Variants in NEB observed in about 807,000 individuals in gnomAD.
NEB encodes the protein nemaline myopathy type 2.
Under a neutral mutation model 952.2 loss-of-function variants are expected in NEB, and 512 were observed. That is an observed-to-expected ratio of 0.54 (90% CI 0.50 to 0.58). The LOEUF is 0.58. Ranked by LOEUF, NEB falls within the 20% of genes least tolerant of loss-of-function variation. The pLI is 0.00. For missense variants in NEB, 8,428 were observed against 9,231.1 expected (o/e 0.91, Z 3.56); for synonymous variants, 2,900 against 3,149.8 (o/e 0.92, Z 2.66).
At chr2:151,614,215 T>A in intron 77 of NEB, 61 bp downstream of exon 77, 2 of 1,566,714 alleles carry the variant, frequency 1.3e-6, no homozygotes, top group Non-Finnish European at 1.7e-6. Context: ...AAAGATTCCA[T>A]GGCACAAAAG....
At chr2:151,527,681 C>T in intron 146 of NEB, 96 bp from the exon 147 acceptor site, 2 of 830,098 alleles carry the variant, frequency 2.4e-6, no homozygotes. Flanking sequence ...TTCAAAACAT[C>T]TCAAATCATG....
intron 161 of NEB, among the ~76,000 whole-genome samples, chr2:151,509,093 T>C (rs1167941384): frequency 6.6e-6 from 1 of 152,226 alleles, no homozygotes; most frequent in East Asian, 1.9e-4. Context: ...TCTGTCTGTC[T>C]CTATGTACTT....
intron 118 of NEB, 50 bp downstream of exon 118, chr2:151,563,773 G>C (rs1379101124): frequency 6.2e-7 from 1 of 1,605,658 alleles, no homozygotes; most frequent in African/African-American, 1.3e-5. Flanking sequence ...CCAGCCCCTT[G>C]ATCCCCAGTA....
rs2099664249 is a variant in NEB, at chr2:151,701,272, G to GT, written c.1153-3625dup. On this transcript the variant is annotated intron_variant, in intron 13 of 181. Transcript: ENST00000397345. The stretch of plus-strand genomic sequence containing the variant: ...TGCTGCTGGATTCGTTTTGCCAGTA[G>GT]TTTATTGAGGATTTTTGCATCAATA... Among the ~76,000 whole-genome samples, 3 of 151,234 alleles carry GT rather than the reference G, an allele frequency of 2.0e-5. No homozygotes were observed. The South Asian group carries it at 6.4e-4, about 32-fold the overall frequency.
At chr2:151,491,596 A>G in intron 179 of NEB, 87 bp downstream of exon 179, 1 of 1,118,272 alleles carries the variant, frequency 8.9e-7, no homozygotes, top group Non-Finnish European at 1.3e-6. Context: ...TCTGGAGGGA[A>G]GGAACTTCAG....
chr2:151,563,762 AC>A, intron 118 of NEB, 43 bp from the exon 119 acceptor site: 2 of 1,604,796 alleles, frequency 1.2e-6, no homozygotes, highest in Non-Finnish European at 1.7e-6. Context: ...GAGTTTCCTA[AC>A]CAGCCCCTTG....
At position 151,657,590 on chromosome 2, in the gene NEB, C is replaced by A. The variant is rs80175539; in HGVS notation, c.6183+393G>T. Among the ~76,000 whole-genome samples, 956 of 152,228 alleles carry A rather than the reference C, an allele frequency of 6.3e-3. 9 individuals are homozygous for A. Among genetic ancestry groups the A allele is most frequent in the Middle Eastern group, 0.02 (6 of 294 alleles). On this transcript the variant is annotated intron_variant, in intron 48 of 181. Transcript: ENST00000397345. ...TTATTTACTCATCAACTATCATGAG[C>A]CCAAATGATCAGCACCCTTGCATAC...
intron 123 of NEB, 135 bp from the exon 124 acceptor site, chr2:151,560,834 C>T: frequency 1.3e-6 from 1 of 774,674 alleles, no homozygotes; most frequent in South Asian, 1.9e-5. Context: ...TAAGGTGGGG[C>T]TTATTTAATT....
Position 151,646,189 on chromosome 2 carries a change from T to G in NEB, c.7477A>C (p.Ile2493Leu). ...AWDKDKTQIH[I>L]MPDTPDIVLA... is the part of the protein sequence containing the mutation. Reference sequence around the variant, plus strand: ...ACAATGTCAGGTGTATCAGGCATGATGTGGATCTGAGTCTTGTCTTTGTCC... The same window carrying G: ...ACAATGTCAGGTGTATCAGGCATGAGGTGGATCTGAGTCTTGTCTTTGTCC... The change falls in exon 55 of 182, where the codon ATC becomes CTC. Residue 2493 changes from isoleucine (I) to leucine (L), a missense_variant. Physicochemically the swap from Ile to Leu is conservative, Grantham distance 5. Around this residue, in one of 11 missense-constraint regions of NEB, gnomAD observed 1,772 missense variants for 1,960.3 expected, o/e 0.90. Transcript: ENST00000397345. 1 of 1,604,964 alleles carries G rather than the reference T, an allele frequency of 6.2e-7. No homozygotes were observed. Among genetic ancestry groups the G allele is most frequent in the Non-Finnish European group, 8.5e-7 (1 of 1,175,276 alleles).
intron 153 of NEB, among the ~76,000 whole-genome samples, chr2:151,521,908 A>G (rs2082219368): frequency 6.6e-6 from 1 of 152,208 alleles, no homozygotes; most frequent in Admixed American, 6.5e-5. Flanking sequence ...TTGAAAGGTA[A>G]GGACATGTAC....
chr2:151,487,373 C>G (rs1056880248), intron 181 of NEB, among the ~76,000 whole-genome samples: 3 of 152,162 alleles, frequency 2.0e-5, no homozygotes, highest in African/African-American at 7.2e-5. Context: ...TTTTTTCTTG[C>G]ATTTTGAAAT....
At chr2:151,525,397 G>T in intron 150 of NEB, 124 bp from the exon 151 acceptor site, 1 of 681,054 alleles carries the variant, frequency 1.5e-6, no homozygotes, top group Non-Finnish European at 2.5e-6. Context: ...CTGGGACTTA[G>T]ATAAGACCCA....
chr2:151,720,264 C>T (rs894771999), intron 9 of NEB, among the ~76,000 whole-genome samples: 7 of 152,122 alleles, frequency 4.6e-5, no homozygotes, highest in African/African-American at 1.7e-4. Flanking sequence ...GAAGATAGTA[C>T]AGGAGAGATA....
Position 151,565,801 on chromosome 2 carries a change from A to C in NEB, c.18176T>G (p.Leu6059Arg). ...CCAGCCAATGCCTCGGAGCCACTCCAGGTCAGCTCTGTAGACATTCTGAGA... is the reference window on the plus strand; with the variant it reads ...CCAGCCAATGCCTCGGAGCCACTCCCGGTCAGCTCTGTAGACATTCTGAGA... ...LQSDNVYRAD[L>R]EWLRGIGWIP... The change falls in exon 115 of 182, where the codon CTG becomes CGG. Residue 6059 changes from leucine (L) to arginine (R), a missense_variant. Physicochemically the swap from Leu to Arg is moderately radical, Grantham distance 102. Transcript: ENST00000397345. 6.2e-7 allele frequency: 1 copy of C among 1,610,692 alleles called. No individual in the cohort carries two copies. Among genetic ancestry groups the C allele is most frequent in the South Asian group, 1.1e-5 (1 of 90,364 alleles).
At chr2:151,531,308 C>CTTTCTTTTT (rs1428568034) in intron 144 of NEB, among the ~76,000 whole-genome samples, 2 of 84,010 alleles carry the variant, frequency 2.4e-5, no homozygotes, top group East Asian at 7.7e-4. Flanking sequence ...TTTTTTCTTT[C>CTTTCTTTTT]TTTTTTTTTT....
intron 67 of NEB, 84 bp downstream of exon 67, chr2:151,630,631 A>G: frequency 9.2e-7 from 1 of 1,086,514 alleles, no homozygotes. Context: ...CACATGCACC[A>G]TGACAGCTGA....
chr2:151,671,121 T>C lies in NEB; in HGVS notation c.4408A>G (p.Arg1470Gly), dbSNP rs1303603356. The C allele has an allele frequency of 2.5e-6, 4 of 1,613,842 alleles. No individual in the cohort carries two copies. In the Admixed American group the frequency reaches 6.7e-5, roughly 27 times the overall value. ...VKKAGDALNE[R>G]KYRQHPDTVK... ...GTATCTGGGTGCTGTCGATACTTCCTCTCATTTAATGCATCGCCTGCTTTC... is the reference window on the plus strand; with the variant it reads ...GTATCTGGGTGCTGTCGATACTTCCCCTCATTTAATGCATCGCCTGCTTTC... Residue 1470 changes from arginine (R) to glycine (G), a missense_variant, in exon 38 of 182, where the codon AGG (arginine) becomes GGG (glycine). Physicochemically the swap from Arg to Gly is moderately radical, Grantham distance 125. Around this residue, in one of 11 missense-constraint regions of NEB, gnomAD observed 2,851 missense variants for 2,791.5 expected, o/e 1.02. Coordinates refer to ENST00000397345, the MANE Select transcript of NEB (RefSeq NM_001164508.2).
chr2:151,517,738 C>T (rs2078724184), intron 156 of NEB, among the ~76,000 whole-genome samples: 1 of 152,098 alleles, frequency 6.6e-6, no homozygotes, highest in Non-Finnish European at 1.5e-5. Flanking sequence ...ATTTGTGTAT[C>T]TTGATACCTC....
chr2:151,650,428 C>A, intron 53 of NEB, 49 bp from the exon 54 acceptor site: 1 of 1,572,352 alleles, frequency 6.4e-7, no homozygotes, highest in South Asian at 1.1e-5. Context: ...CACCTGGACC[C>A]TTGATTCAAG....
Sources: gnomAD v4.1 joint callset for allele counts (sites outside exome capture counted in the v4.1 genomes callset) on GRCh38, gnomAD v4.1.1 for gene constraint, gnomAD v4.1.1 regional missense constraint, MANE v1.5 for transcripts, NCBI Gene and HGNC (gene_info 2026-07-23, HGNC 2026-07-21) for gene names.